The following COL5A2 variants were observed in gnomAD, a reference collection of about 807,000 sequenced individuals.
The protein encoded by COL5A2 is collagen alpha-2(V) chain.
COL5A2 carries 23 observed loss-of-function variants against 208.2 expected under a neutral mutation model. The observed-to-expected ratio is 0.11, with a 90% confidence interval of 0.08 to 0.16. The LOEUF (loss-of-function observed/expected upper bound fraction) is 0.16, where lower values mean the gene tolerates loss of function less well. Ranked by LOEUF, COL5A2 falls within the 10% of genes least tolerant of loss-of-function variation. The pLI is 1.00. For synonymous variants in COL5A2, 625 were observed against 628.5 expected, an observed-to-expected ratio of 0.99 and a Z score of 0.08; for missense variants, 1,590 against 1,956.4, an observed-to-expected ratio of 0.81 and a Z score of 3.53.
chr2:189,222,693 G>A (rs891138487), intron 1 of COL5A2, among the ~76,000 whole-genome samples: 1 of 152,084 alleles, frequency 6.6e-6, no homozygotes, highest in East Asian at 1.9e-4. Context: ...CTTGACTCCC[G>A]GCCATTGGAC....
the COL5A2 span, among the ~76,000 whole-genome samples, chr2:189,290,461 G>A: frequency 6.6e-6 from 1 of 152,154 alleles, no homozygotes; most frequent in African/African-American, 2.4e-5. Flanking sequence ...AGAATGCCCA[G>A]TAATGTAGAA....
intron 1 of COL5A2, among the ~76,000 whole-genome samples, chr2:189,215,225 C>T (rs1331360187): frequency 1.3e-5 from 2 of 152,002 alleles, no homozygotes; most frequent in Admixed American, 6.6e-5. Flanking sequence ...TGTGACTGTC[C>T]CAGTTTAAAA....
intron 43 of COL5A2, among the ~76,000 whole-genome samples, chr2:189,050,320 C>T (rs1685757577): frequency 6.6e-6 from 1 of 152,108 alleles, no homozygotes; most frequent in African/African-American, 2.4e-5. Context: ...ATTTAAAGGT[C>T]ACCAAAAATC....
chr2:189,281,143 G>A, the COL5A2 span, among the ~76,000 whole-genome samples: 1 of 151,998 alleles, frequency 6.6e-6, no homozygotes, highest in Admixed American at 6.6e-5. Context: ...AATTCTATGA[G>A]ATTGTCAGAA....
At chr2:189,392,833 T>G in the COL5A2 span, among the ~76,000 whole-genome samples, 162 of 152,294 alleles carry the variant, frequency 1.1e-3, no homozygotes, top group African/African-American at 3.6e-3. Flanking sequence ...TTTAGTCTAG[T>G]GATGAATTAT....
At chr2:189,168,265 A>G (rs1445782667) in intron 1 of COL5A2, among the ~76,000 whole-genome samples, 2 of 149,684 alleles carry the variant, frequency 1.3e-5, no homozygotes, top group African/African-American at 2.5e-5. Flanking sequence ...AATTCTTACA[A>G]CAGAATCTCT....
the COL5A2 span, among the ~76,000 whole-genome samples, chr2:189,282,639 G>A: frequency 6.6e-6 from 1 of 152,150 alleles, no homozygotes; most frequent in African/African-American, 2.4e-5. Flanking sequence ...AAATTAGTCT[G>A]TGTTCATCTT....
At chr2:189,259,766 A>T in the COL5A2 span, among the ~76,000 whole-genome samples, 3 of 152,182 alleles carry the variant, frequency 2.0e-5, no homozygotes, top group Non-Finnish European at 4.4e-5. Flanking sequence ...TGGAAAGAAA[A>T]GTCAGGATTG....
chr2:189,198,040 G>A (rs1689028400), intron 1 of COL5A2, among the ~76,000 whole-genome samples: 2 of 152,056 alleles, frequency 1.3e-5, no homozygotes, highest in African/African-American at 2.4e-5. Flanking sequence ...TAGTAGAAAC[G>A]GGGTTTCACC....
At chr2:189,337,526 TACTATAA>T in the COL5A2 span, among the ~76,000 whole-genome samples, 1 of 152,172 alleles carries the variant, frequency 6.6e-6, no homozygotes, top group Non-Finnish European at 1.5e-5. Context: ...CAATTACCAG[TACTATAA>T]ACTTTTAGAA....
intron 23 of COL5A2, 23 bp downstream of exon 23, chr2:189,066,367 T>C (rs754916226): frequency 1.2e-5 from 19 of 1,562,556 alleles, no homozygotes; most frequent in East Asian, 4.5e-5. Flanking sequence ...ACTGTAAGAA[T>C]GTGTTGTATT....
chr2:189,292,496 T>C, the COL5A2 span, among the ~76,000 whole-genome samples: 4 of 151,840 alleles, frequency 2.6e-5, no homozygotes, highest in African/African-American at 9.7e-5. Context: ...AAAAAACACA[T>C]GAAAAAATGC....
chr2:189,168,637 G>A (rs1688516965), intron 1 of COL5A2, among the ~76,000 whole-genome samples: 1 of 152,082 alleles, frequency 6.6e-6, no homozygotes, highest in Admixed American at 6.5e-5. Flanking sequence ...CTATTACTAT[G>A]AAAGCTAAAT....
intron 6 of COL5A2, among the ~76,000 whole-genome samples, chr2:189,094,662 G>A (rs1020743567): frequency 3.8e-5 from 1 of 26,214 alleles, no homozygotes; most frequent in African/African-American, 8.7e-5. Context: ...TGTTATAGAT[G>A]TTAAGATCTA....
chr2:189,268,358 G>A, the COL5A2 span, among the ~76,000 whole-genome samples: 13 of 152,046 alleles, frequency 8.6e-5, no homozygotes, highest in African/African-American at 3.1e-4. Context: ...CCATTTCTCT[G>A]GCTAACTGAA....
At chr2:189,402,342 C>T in the COL5A2 span, among the ~76,000 whole-genome samples, 2 of 152,108 alleles carry the variant, frequency 1.3e-5, no homozygotes, top group Admixed American at 1.3e-4. Context: ...CTCAGCCTCC[C>T]GAGTAGCTGG....
the COL5A2 span, among the ~76,000 whole-genome samples, chr2:189,423,588 T>C: frequency 6.6e-6 from 1 of 152,058 alleles, no homozygotes; most frequent in Non-Finnish European, 1.5e-5. Flanking sequence ...GAGACTATTA[T>C]GAACAATTAT....
At chr2:189,251,306 C>T in the COL5A2 span, among the ~76,000 whole-genome samples, 2 of 152,082 alleles carry the variant, frequency 1.3e-5, no homozygotes. Context: ...AAATGATATT[C>T]TGTAGACACT....
chr2:189,388,148 C>A, the COL5A2 span, among the ~76,000 whole-genome samples: 1 of 152,138 alleles, frequency 6.6e-6, no homozygotes, highest in African/African-American at 2.4e-5. Flanking sequence ...GTGCCAACTT[C>A]TGTTCTAGGC....
Sources: allele counts gnomAD v4.1 joint callset (sites outside exome capture counted in the v4.1 genomes callset), GRCh38; gene constraint gnomAD v4.1.1; transcripts MANE v1.5; gene names NCBI Gene and HGNC (gene_info 2026-07-23, HGNC 2026-07-21).